The following ITFG1 variants were observed in gnomAD, a reference collection of about 807,000 sequenced individuals.
The protein encoded by ITFG1 is T-cell immunomodulatory protein.
A neutral mutation model predicts 81.8 loss-of-function variants in ITFG1; 34 were observed. The ratio of observed to expected loss-of-function variants is 0.42; its 90% CI spans 0.32 to 0.55. ITFG1 has a LOEUF of 0.55. Among genes scored for constraint, ITFG1 ranks in the 20% least tolerant of loss-of-function variants. The pLI is 0.17. For missense variants in ITFG1, 672 were observed against 755.4 expected (o/e 0.89, Z 1.29); for synonymous variants, 285 against 270.6 (o/e 1.05, Z -0.52).
At chr16:47,361,408 C>G (rs1021465853) in intron 8 of ITFG1, among the ~76,000 whole-genome samples, 3 of 151,872 alleles carry the variant, frequency 2.0e-5, no homozygotes, top group African/African-American at 7.3e-5. Context: ...GACTTTTTGT[C>G]CTATATAATT....
chr16:47,255,780 A>T (rs1413650786), intron 12 of ITFG1, among the ~76,000 whole-genome samples: 15 of 152,158 alleles, frequency 9.9e-5, no homozygotes. Context: ...GCATACTAGG[A>T]GTAAGAGAGA....
intron 8 of ITFG1, among the ~76,000 whole-genome samples, chr16:47,316,070 C>T (rs1967353327): frequency 6.6e-6 from 1 of 152,094 alleles, no homozygotes; most frequent in African/African-American, 2.4e-5. Flanking sequence ...GGATTACAGG[C>T]ATGAGCCACT....
chr16:47,323,952 T>C (rs1470372428), intron 8 of ITFG1, among the ~76,000 whole-genome samples: 2 of 152,208 alleles, frequency 1.3e-5, no homozygotes, highest in East Asian at 1.9e-4. Context: ...TCTATGGCTA[T>C]TGTTTTATAT....
chr16:47,303,048 G>A (rs950209242), intron 10 of ITFG1, among the ~76,000 whole-genome samples: 5 of 152,142 alleles, frequency 3.3e-5, no homozygotes, highest in African/African-American at 1.2e-4. Flanking sequence ...GAGGCGGGTG[G>A]ATCACGAGGT....
At chr16:47,448,374 T>C (rs2151617530) in intron 5 of ITFG1, 1 of 152,276 alleles carries the variant, frequency 6.6e-6, no homozygotes, top group East Asian at 1.9e-4. Flanking sequence ...TACATTTAAA[T>C]AGAGAATACA....
intron 14 of ITFG1, among the ~76,000 whole-genome samples, chr16:47,163,940 CACACACACACACAT>C (rs1030516737): frequency 2.7e-5 from 4 of 148,878 alleles, no homozygotes; most frequent in African/African-American, 1.0e-4. Flanking sequence ...CACACACACA[CACACACACACACAT>C]ACACACACAC....
At chr16:47,184,530 G>A (rs1457196675) in intron 14 of ITFG1, among the ~76,000 whole-genome samples, 1 of 152,020 alleles carries the variant, frequency 6.6e-6, no homozygotes, top group Non-Finnish European at 1.5e-5. Flanking sequence ...GCCAAACTAA[G>A]CTTCATAAGT....
chr16:47,357,811 T>A (rs1229917808), intron 8 of ITFG1, among the ~76,000 whole-genome samples: 1 of 152,128 alleles, frequency 6.6e-6, no homozygotes, highest in Non-Finnish European at 1.5e-5. Context: ...AAGAAACTAA[T>A]ATAGCCTAGT....
At chr16:47,342,417 C>T (rs1415820638) in intron 8 of ITFG1, among the ~76,000 whole-genome samples, 1 of 152,012 alleles carries the variant, frequency 6.6e-6, no homozygotes, top group Admixed American at 6.5e-5. Context: ...TGGTGAAAAA[C>T]TAAAAACATT....
chr16:47,296,926 G>A (rs1044851505), intron 10 of ITFG1, among the ~76,000 whole-genome samples: 1 of 152,172 alleles, frequency 6.6e-6, no homozygotes, highest in Non-Finnish European at 1.5e-5. Context: ...TGTTCCACAT[G>A]TGTCTATTAA....
intron 8 of ITFG1, among the ~76,000 whole-genome samples, chr16:47,345,324 A>G (rs1406697216): frequency 6.6e-6 from 1 of 151,434 alleles, no homozygotes; most frequent in Non-Finnish European, 1.5e-5. Context: ...TTTTTTAGAC[A>G]GAGTCTCACT....
chr16:47,201,531 T>G (rs755668575), intron 14 of ITFG1, among the ~76,000 whole-genome samples: 4 of 152,116 alleles, frequency 2.6e-5, no homozygotes, highest in Non-Finnish European at 5.9e-5. Flanking sequence ...ATTTTGCCCT[T>G]ATTTAGAACT....
At chr16:47,350,677 C>T (rs1370243697) in intron 8 of ITFG1, among the ~76,000 whole-genome samples, 1 of 152,110 alleles carries the variant, frequency 6.6e-6, no homozygotes, top group Non-Finnish European at 1.5e-5. Context: ...CTATTCCAAT[C>T]AATAGAAAAA....
At chr16:47,450,094 T>C (rs1009316189) in intron 5 of ITFG1, 4 of 152,892 alleles carry the variant, frequency 2.6e-5, no homozygotes, top group Admixed American at 2.6e-4. Context: ...GCAGTCCCCA[T>C]TTGCTGTGGA....
At chr16:47,342,987 AAAG>A (rs1194174776) in intron 8 of ITFG1, among the ~76,000 whole-genome samples, 1 of 152,188 alleles carries the variant, frequency 6.6e-6, no homozygotes, top group Non-Finnish European at 1.5e-5. Flanking sequence ...CAGAAATGGA[AAAG>A]AAGATTCTCA....
At chr16:47,414,811 A>G (rs1968854367) in intron 6 of ITFG1, among the ~76,000 whole-genome samples, 1 of 152,192 alleles carries the variant, frequency 6.6e-6, no homozygotes, top group Non-Finnish European at 1.5e-5. Context: ...TACTACTTTT[A>G]AATAATTCAA....
rs1969489574 is a variant in ITFG1 at position 47,459,178 on chromosome 16, A to G, written c.209-3T>C. ...CAAAAAGACGATTAAGTCATTTCCT[A>G]AAGAAAACAAATATATGATATTAGA... On this transcript the variant is annotated splice_polypyrimidine_tract_variant and splice_region_variant and intron_variant, in intron 1 of 17. Transcript: ENST00000320640. 6.4e-7 allele frequency: 1 copy of G among 1,565,116 alleles called. No homozygotes were observed.
chr16:47,187,332 G>A (rs1278547194), intron 14 of ITFG1, among the ~76,000 whole-genome samples: 1 of 152,038 alleles, frequency 6.6e-6, no homozygotes, highest in Non-Finnish European at 1.5e-5. Context: ...GAACAAAGCT[G>A]GAGGCATCAT....
At chr16:47,399,090 G>T (rs1434195082) in intron 6 of ITFG1, among the ~76,000 whole-genome samples, 7 of 152,160 alleles carry the variant, frequency 4.6e-5, no homozygotes, top group Non-Finnish European at 1.0e-4. Flanking sequence ...TATAAGAAAT[G>T]TTACCAAAGT....
Sources: allele counts gnomAD v4.1 joint callset (sites outside exome capture counted in the v4.1 genomes callset), GRCh38; gene constraint gnomAD v4.1.1; transcripts MANE v1.5; gene names NCBI Gene and HGNC (gene_info 2026-07-23, HGNC 2026-07-21).